The following STK17A variants were observed in gnomAD, a reference collection of about 807,000 sequenced individuals.
STK17A encodes the protein serine/threonine-protein kinase 17A.
A neutral mutation model predicts 43.7 loss-of-function variants in STK17A; 26 were observed. That is an observed-to-expected ratio of 0.60 (90% confidence interval 0.44 to 0.83). The LOEUF (loss-of-function observed/expected upper bound fraction) is 0.83. Among genes scored for constraint, STK17A ranks in the 40% least tolerant of loss-of-function variants. The pLI, the probability that STK17A is intolerant of heterozygous loss-of-function variation, is 0.00. For synonymous variants in STK17A, 191 were observed against 182.5 expected (o/e 1.05, Z -0.38); for missense variants, 476 against 511.6 (o/e 0.93, Z 0.67).
rs1268252626 is a variant in STK17A at position 43,625,856 on chromosome 7, G to A, written c.*1014G>A. Reference sequence around the variant, plus strand: ...GCTATGCTAGGAAAAGTTATAAAATGCCAAAATATTTATAAACATTTACTT... The same window carrying A: ...GCTATGCTAGGAAAAGTTATAAAATACCAAAATATTTATAAACATTTACTT... On this transcript the variant is annotated 3_prime_UTR_variant, in exon 7 of 7. Transcript: ENST00000319357. 6.6e-6 allele frequency: 1 copy of A among 151,956 alleles called. No individual in the cohort carries two copies. Among genetic ancestry groups the A allele is most frequent in the East Asian group, 1.9e-4 (1 of 5,194 alleles). 9.4% of individuals were successfully genotyped at this position (151,956 alleles called of 1,614,324 possible).
intron 2 of STK17A, 90 bp downstream of exon 2, chr7:43,596,203 T>C: frequency 1.7e-6 from 2 of 1,192,142 alleles, no homozygotes; most frequent in Non-Finnish European, 2.3e-6. Flanking sequence ...TTGCCAGGCC[T>C]GGTTCTCTGG....
At chr7:43,602,844 A>T (rs1012317862) in intron 2 of STK17A, among the ~76,000 whole-genome samples, 1 of 152,130 alleles carries the variant, frequency 6.6e-6, no homozygotes, top group South Asian at 2.1e-4. Flanking sequence ...CCTGTTGCGT[A>T]TTCCTGTGTC....
intron 2 of STK17A, among the ~76,000 whole-genome samples, chr7:43,599,622 G>C (rs1411124596): frequency 6.6e-6 from 1 of 152,162 alleles, no homozygotes; most frequent in Non-Finnish European, 1.5e-5. Context: ...TATTAGTCAG[G>C]CTTCTCCAGA....
chr7:43,583,128 G>T lies in STK17A; in HGVS notation c.-116G>T. 8.8e-7 allele frequency: 1 copy of T among 1,130,320 alleles called. No homozygotes were observed. Among genetic ancestry groups the T allele is most frequent in the Non-Finnish European group, 1.2e-6 (1 of 804,440 alleles). The allele number at this position is 1,130,320 out of a possible 1,614,324, so 70.0% of individuals were successfully genotyped here. A position where few individuals can be genotyped will look rare whatever the true frequency, so the allele number is the denominator to read the frequency against. On this transcript the variant is annotated 5_prime_UTR_variant, in exon 1 of 7. Transcript: ENST00000319357. The stretch of plus-strand genomic sequence containing the variant: ...CTGCCGCAGTCCGAGCGCCGCGCTG[G>T]GGAGAGCGGGTGTTTGAAGGCTCCG...
intron 4 of STK17A, chr7:43,622,552 A>G (rs1250972834): frequency 6.9e-6 from 1 of 145,426 alleles, no homozygotes; most frequent in Non-Finnish European, 1.5e-5. Context: ...TATAGTTTTG[A>G]AAAAAAAAAT....
In STK17A at chr7:43,608,343, G is replaced by C. The variant is rs771807800; in HGVS notation, c.507G>C (p.Gln169His). 74 of 1,613,952 alleles carry C rather than the reference G, an allele frequency of 4.6e-5. No homozygotes were observed. Among genetic ancestry groups the C allele is most frequent in the Non-Finnish European group, 5.1e-6 (6 of 1,180,006 alleles). Residue 169 changes from glutamine to histidine, a missense_variant, in exon 3 of 7, where the codon CAG (glutamine) becomes CAC (histidine). Gln to His is a conservative substitution (Grantham distance 24, BLOSUM62 0). Around this residue, in one of 3 missense-constraint regions of STK17A, gnomAD observed 320 missense variants for 326.3 expected, o/e 0.98. Coordinates refer to ENST00000319357, the MANE Select transcript of STK17A (RefSeq NM_004760.3). ...KEKDVQRLMR[Q>H]ILEGVHFLHT... The stretch of plus-strand genomic sequence containing the variant: ...AAGATGTTCAAAGACTTATGCGACA[G>C]ATTTTAGAAGGTGTTCACTTTTTAC...
At chr7:43,621,254 T>C (rs1015913444) in intron 4 of STK17A, among the ~76,000 whole-genome samples, 3 of 152,212 alleles carry the variant, frequency 2.0e-5, no homozygotes, top group African/African-American at 7.2e-5. Flanking sequence ...GAATACTTAA[T>C]TTTCAGTACA....
intron 3 of STK17A, among the ~76,000 whole-genome samples, chr7:43,610,150 T>C (rs1331414822): frequency 6.6e-6 from 1 of 150,532 alleles, no homozygotes; most frequent in Non-Finnish European, 1.5e-5. Context: ...ATCGAGACCA[T>C]CCTGGCTAAC....
intron 1 of STK17A, among the ~76,000 whole-genome samples, chr7:43,593,900 A>C (rs1020970420): frequency 6.6e-6 from 1 of 152,222 alleles, no homozygotes; most frequent in African/African-American, 2.4e-5. Context: ...ATAAAAATTC[A>C]AGGTGGAAAA....
chr7:43,599,418 C>T (rs1185711877), intron 2 of STK17A, among the ~76,000 whole-genome samples: 2 of 152,206 alleles, frequency 1.3e-5, no homozygotes, highest in Non-Finnish European at 2.9e-5. Context: ...CTGGTTATTG[C>T]TCAGCCATTG....
chr7:43,621,677 G>T (rs2083905232), intron 4 of STK17A, among the ~76,000 whole-genome samples: 1 of 152,028 alleles, frequency 6.6e-6, no homozygotes, highest in Non-Finnish European at 1.5e-5. Flanking sequence ...TCACTGTGTT[G>T]CCCAGGCTAG....
chr7:43,617,316 G>A (rs953835132), intron 3 of STK17A, among the ~76,000 whole-genome samples: 2 of 152,228 alleles, frequency 1.3e-5, no homozygotes, highest in African/African-American at 2.4e-5. Context: ...GAACCTTCTG[G>A]CTTCAATGTG....
chr7:43,583,211 C>T lies in STK17A; in HGVS notation c.-33C>T. ...TGACCCTCCGGCTGCTCGGAGTGAACAGGCGGCCAGGAAAGAAGCGGGCCT... is the reference window on the plus strand; with the variant it reads ...TGACCCTCCGGCTGCTCGGAGTGAATAGGCGGCCAGGAAAGAAGCGGGCCT... On this transcript the variant is annotated 5_prime_UTR_variant, in exon 1 of 7. Transcript: ENST00000319357. 6.4e-7 allele frequency: 1 copy of T among 1,553,310 alleles called. No individual in the cohort carries two copies.
At chr7:43,598,804 C>A (rs560205379) in intron 2 of STK17A, among the ~76,000 whole-genome samples, 56 of 151,568 alleles carry the variant, frequency 3.7e-4, no homozygotes, top group African/African-American at 1.3e-3. Context: ...TCCTCTGTGA[C>A]CCAGGCTGGA....
intron 3 of STK17A, among the ~76,000 whole-genome samples, chr7:43,612,174 C>G (rs1355095427): frequency 6.6e-6 from 1 of 152,232 alleles, no homozygotes; most frequent in Non-Finnish European, 1.5e-5. Context: ...AAACTGGACT[C>G]TCCATGTTTC....
Position 43,623,856 on chromosome 7 carries a change from T to G in STK17A, c.888T>G (p.Asp296Glu), listed in dbSNP as rs1044326727. The G allele has an allele frequency of 6.3e-7, 1 of 1,590,560 alleles. No individual in the cohort carries two copies. The highest frequency in any genetic ancestry group is 8.5e-7 in the Non-Finnish European group (1 of 1,172,088). The change falls in exon 6 of 7, where the codon GAT becomes GAG. Residue 296 changes from aspartate (D) to glutamate (E), a missense_variant. Asp to Glu is a conservative substitution (Grantham distance 45, BLOSUM62 2). This residue lies in a region of STK17A where 46 missense variants were observed against 81.6 expected (regional missense o/e 0.56). Coordinates refer to ENST00000319357, the MANE Select transcript of STK17A (RefSeq NM_004760.3). ...EFDVLSESAV[D>E]FIRTLLVKKP... ...ATGTTTTGTCTGAGTCGGCTGTTGA[T>G]TTCATCAGGACACTTTTAGTTAAGA... is the stretch of plus-strand genomic sequence containing the variant.
At chr7:43,588,615 C>T (rs527497617) in intron 1 of STK17A, among the ~76,000 whole-genome samples, 33 of 151,334 alleles carry the variant, frequency 2.2e-4, no homozygotes, top group African/African-American at 7.7e-4. Context: ...CCAAGGTGGG[C>T]GGATCACTTG....
At chr7:43,590,684 G>C (rs2082473895) in intron 1 of STK17A, among the ~76,000 whole-genome samples, 1 of 151,436 alleles carries the variant, frequency 6.6e-6, no homozygotes. Flanking sequence ...AAAAAAAGTA[G>C]ATGTGCAACA....
chr7:43,596,183 T>A (rs1207686862), intron 2 of STK17A, 70 bp downstream of exon 2: 5 of 1,395,640 alleles, frequency 3.6e-6, no homozygotes, highest in Non-Finnish European at 3.9e-6. Context: ...GCCACTCATC[T>A]GTGATAATGT....
Sources: gnomAD v4.1 joint callset for allele counts (sites outside exome capture counted in the v4.1 genomes callset) on GRCh38, gnomAD v4.1.1 for gene constraint, gnomAD v4.1.1 regional missense constraint, MANE v1.5 for transcripts, NCBI Gene and HGNC (gene_info 2026-07-23, HGNC 2026-07-21) for gene names.